Variants in NDUFAF2 observed in about 807,000 individuals in gnomAD.
NDUFAF2 encodes the protein NADH:ubiquinone oxidoreductase complex assembly factor 2.
NDUFAF2 carries 13 observed loss-of-function variants against 22.8 expected under a neutral mutation model. The observed-to-expected ratio is 0.57, with a 90% confidence interval of 0.37 to 0.91. NDUFAF2 has a LOEUF of 0.91. NDUFAF2 is among the 40% of genes least tolerant of loss of function. NDUFAF2 has a pLI of 0.01. For synonymous variants in NDUFAF2, 53 were observed against 64.2 expected, an observed-to-expected ratio of 0.83 and a Z score of 0.84; for missense variants, 162 against 195.2, an observed-to-expected ratio of 0.83 and a Z score of 1.01.
intron 2 of NDUFAF2, among the ~76,000 whole-genome samples, chr5:61,095,266 G>A (rs866072057): frequency 1.3e-5 from 2 of 152,342 alleles, no homozygotes; most frequent in Middle Eastern, 6.8e-3. Context: ...TAGAACAACT[G>A]TGCTGTGCTG....
chr5:61,078,569 A>G (rs1214515514), intron 2 of NDUFAF2, among the ~76,000 whole-genome samples: 1 of 152,142 alleles, frequency 6.6e-6, no homozygotes, highest in African/African-American at 2.4e-5. Context: ...GTGAAACGCC[A>G]TCTCTACCAA....
At chr5:61,058,437 T>G (rs1752125895) in intron 1 of NDUFAF2, among the ~76,000 whole-genome samples, 1 of 151,990 alleles carries the variant, frequency 6.6e-6, no homozygotes, top group African/African-American at 2.4e-5. Flanking sequence ...ATATCAAGGG[T>G]GTACCAGATT....
At chr5:61,012,630 A>G (rs1182637545) in intron 1 of NDUFAF2, among the ~76,000 whole-genome samples, 2 of 151,974 alleles carry the variant, frequency 1.3e-5, no homozygotes, top group African/African-American at 4.8e-5. Flanking sequence ...CATGTTGAAT[A>G]ATAATATATA....
chr5:61,112,192 A>T (rs962345998), intron 3 of NDUFAF2, among the ~76,000 whole-genome samples: 1 of 150,116 alleles, frequency 6.7e-6, no homozygotes, highest in African/African-American at 2.4e-5. Flanking sequence ...CTGTATCATT[A>T]TATAATGACC....
chr5:60,946,244 C>T (rs1360942720), intron 1 of NDUFAF2, among the ~76,000 whole-genome samples: 1 of 152,140 alleles, frequency 6.6e-6, no homozygotes. Flanking sequence ...AGCTTTGACA[C>T]CTGATAGCTC....
chr5:61,053,823 G>T (rs1458417949), intron 1 of NDUFAF2, among the ~76,000 whole-genome samples: 1 of 152,046 alleles, frequency 6.6e-6, no homozygotes, highest in African/African-American at 2.4e-5. Flanking sequence ...CCTGGATGAA[G>T]GTCTTGGTGT....
At chr5:61,124,762 AC>A (rs1201920881) in intron 3 of NDUFAF2, among the ~76,000 whole-genome samples, 1 of 152,122 alleles carries the variant, frequency 6.6e-6, no homozygotes, top group Non-Finnish European at 1.5e-5. Flanking sequence ...CTTTAGCCTC[AC>A]AGTACTTTTT....
intron 3 of NDUFAF2, among the ~76,000 whole-genome samples, chr5:61,111,604 G>GT (rs1428985663): frequency 1.3e-5 from 2 of 150,966 alleles, no homozygotes; most frequent in African/African-American, 2.4e-5. Context: ...ACACAGCTAG[G>GT]TTTTTTTTGT....
At chr5:61,049,296 A>G (rs1443919051) in intron 1 of NDUFAF2, among the ~76,000 whole-genome samples, 1 of 152,058 alleles carries the variant, frequency 6.6e-6, no homozygotes, top group South Asian at 2.1e-4. Context: ...ATCACAGGTA[A>G]AAGTTTTTAG....
At chr5:61,138,673 G>T (rs1049724331) in intron 3 of NDUFAF2, among the ~76,000 whole-genome samples, 1 of 152,164 alleles carries the variant, frequency 6.6e-6, no homozygotes, top group Non-Finnish European at 1.5e-5. Context: ...GGGAGACCAG[G>T]CCCTATTGAA....
intron 1 of NDUFAF2, among the ~76,000 whole-genome samples, chr5:60,997,290 A>G (rs571971179): frequency 7.0e-4 from 106 of 152,342 alleles, no homozygotes; most frequent in Admixed American, 1.2e-3. Flanking sequence ...ACTCATTAAA[A>G]AGGTCTGTCT....
At chr5:61,092,226 T>C (rs568249494) in intron 2 of NDUFAF2, among the ~76,000 whole-genome samples, 1 of 152,310 alleles carries the variant, frequency 6.6e-6, no homozygotes, top group East Asian at 1.9e-4. Flanking sequence ...ATATGAATTC[T>C]AAAATATTTT....
chr5:60,969,710 GAGAAGCTTT>G (rs1485970098), intron 1 of NDUFAF2, among the ~76,000 whole-genome samples: 1 of 151,944 alleles, frequency 6.6e-6, no homozygotes, highest in Non-Finnish European at 1.5e-5. Context: ...CTTTGCTGTG[GAGAAGCTTT>G]TTAACTTAAT....
chr5:60,987,681 C>A (rs1234133344), intron 1 of NDUFAF2, among the ~76,000 whole-genome samples: 2 of 152,088 alleles, frequency 1.3e-5, no homozygotes, highest in East Asian at 3.9e-4. Context: ...AAGACAAAAA[C>A]CATGTGATTA....
chr5:61,091,207 A>G (rs1241978096), intron 2 of NDUFAF2, among the ~76,000 whole-genome samples: 2 of 152,160 alleles, frequency 1.3e-5, no homozygotes, highest in Non-Finnish European at 2.9e-5. Flanking sequence ...ATACCCAGTA[A>G]TGGGATTGCT....
chr5:61,042,020 A>G (rs1224215851), intron 1 of NDUFAF2, among the ~76,000 whole-genome samples: 1 of 152,160 alleles, frequency 6.6e-6, no homozygotes, highest in African/African-American at 2.4e-5. Context: ...TTTGAAATCC[A>G]GGTATGACCA....
chr5:61,151,394 A>G (rs1162214654), intron 3 of NDUFAF2, among the ~76,000 whole-genome samples: 1 of 152,100 alleles, frequency 6.6e-6, no homozygotes, highest in Non-Finnish European at 1.5e-5. Context: ...CTAATTTCAC[A>G]TTACAAATAA....
At chr5:60,994,241 G>A (rs988070058) in intron 1 of NDUFAF2, among the ~76,000 whole-genome samples, 2 of 152,256 alleles carry the variant, frequency 1.3e-5, no homozygotes, top group East Asian at 3.8e-4. Context: ...TTCTGAGCCT[G>A]TTGGGGCAGG....
At chr5:61,067,283 A>G (rs1357133444) in intron 1 of NDUFAF2, among the ~76,000 whole-genome samples, 1 of 151,222 alleles carries the variant, frequency 6.6e-6, no homozygotes. Context: ...AGCATTAGGT[A>G]TATCTCCTAA....
Sources: gnomAD v4.1 joint callset for allele counts (sites outside exome capture counted in the v4.1 genomes callset) on GRCh38, gnomAD v4.1.1 for gene constraint, MANE v1.5 for transcripts, NCBI Gene and HGNC (gene_info 2026-07-23, HGNC 2026-07-21) for gene names.